Variants in ARHGAP42 observed in about 807,000 individuals in gnomAD.
ARHGAP42 encodes the protein Rho GTPase activating protein 42, also known as rho GTPase-activating protein 42.
Under a neutral mutation model 125.0 loss-of-function variants are expected in ARHGAP42, and 63 were observed. The ratio of observed to expected loss-of-function variants is 0.50; its 90% CI spans 0.41 to 0.62. The LOEUF is 0.62. ARHGAP42 is among the 20% of genes least tolerant of loss of function. ARHGAP42 has a pLI of 0.00. For synonymous variants in ARHGAP42, 339 were observed against 351.0 expected (o/e 0.97, Z 0.38); for missense variants, 766 against 1,024.2 (o/e 0.75, Z 3.44).
At chr11:100,780,319 A>T (rs1300227763) in intron 2 of ARHGAP42, among the ~76,000 whole-genome samples, 1 of 152,204 alleles carries the variant, frequency 6.6e-6, no homozygotes, top group Non-Finnish European at 1.5e-5. Context: ...GTTAGTAAAA[A>T]ATAATCTCAA....
intron 3 of ARHGAP42, among the ~76,000 whole-genome samples, chr11:100,801,400 T>C (rs992253839): frequency 6.6e-6 from 1 of 152,132 alleles, no homozygotes; most frequent in Admixed American, 6.5e-5. Flanking sequence ...GTTGAAACAG[T>C]GAGTAAACAA....
At chr11:100,965,900 TA>T (rs770806607) in intron 17 of ARHGAP42, 124 bp downstream of exon 17, 90 of 832,020 alleles carry the variant, frequency 1.1e-4, no homozygotes, top group Non-Finnish European at 1.6e-4. Context: ...TGAATTTGCT[TA>T]AAAAATAGTA....
At position 100,711,500 on chromosome 11, in the gene ARHGAP42, G is replaced by A. The variant is rs140150068; in HGVS notation, c.154+23668G>A. On this transcript the variant is annotated intron_variant, in intron 1 of 23. Coordinates refer to ENST00000298815, the MANE Select transcript of ARHGAP42 (RefSeq NM_152432.4). ...CTCCCAAGTAGCTGGGACTACAGGT[G>A]CACACTACCATGCCCAGATAATTTT... Among the ~76,000 whole-genome samples the A allele has an allele frequency of 1.1e-4, 16 of 152,216 alleles. No homozygotes were observed. In the East Asian group the frequency reaches 2.9e-3, roughly 28 times the overall value.
chr11:100,809,772 T>C (rs1049137128), intron 3 of ARHGAP42, among the ~76,000 whole-genome samples: 1 of 152,034 alleles, frequency 6.6e-6, no homozygotes, highest in African/African-American at 2.4e-5. Flanking sequence ...CTGAGCAACA[T>C]AGTGAAACCC....
chr11:100,798,462 A>G (rs1249519436), intron 3 of ARHGAP42, among the ~76,000 whole-genome samples: 3 of 152,198 alleles, frequency 2.0e-5, no homozygotes, highest in African/African-American at 7.2e-5. Context: ...AGCCTCCACC[A>G]TCAAAAAGAT....
intron 5 of ARHGAP42, among the ~76,000 whole-genome samples, chr11:100,919,562 A>AT (rs1290504261): frequency 6.6e-6 from 1 of 151,834 alleles, no homozygotes; most frequent in African/African-American, 2.4e-5. Flanking sequence ...GATGTTATGT[A>AT]TTTTTTCTTT....
chr11:100,825,855 G>T (rs111250806), intron 3 of ARHGAP42, among the ~76,000 whole-genome samples: 129 of 152,274 alleles, frequency 8.5e-4, no homozygotes, highest in Non-Finnish European at 1.6e-3. Context: ...GTAGTCTTTT[G>T]TGTTTATTTA....
chr11:100,707,072 A>G (rs1861491226), intron 1 of ARHGAP42, among the ~76,000 whole-genome samples: 1 of 152,216 alleles, frequency 6.6e-6, no homozygotes, highest in African/African-American at 2.4e-5. Context: ...TTAAACATAG[A>G]CCAGTATTTC....
intron 14 of ARHGAP42, 58 bp downstream of exon 14, chr11:100,961,047 T>A (rs891100245): frequency 9.1e-6 from 11 of 1,210,364 alleles, no homozygotes; most frequent in East Asian, 2.6e-5. Context: ...TAATCTAAAG[T>A]ATGGACTTCT....
chr11:100,895,337 G>A (rs1313486437), intron 4 of ARHGAP42, among the ~76,000 whole-genome samples: 1 of 151,982 alleles, frequency 6.6e-6, no homozygotes, highest in East Asian at 1.9e-4. Context: ...TTTTGGACTG[G>A]TAAACCAGTC....
chr11:100,766,169 T>C (rs912902213), intron 1 of ARHGAP42, among the ~76,000 whole-genome samples: 1 of 151,978 alleles, frequency 6.6e-6, no homozygotes, highest in African/African-American at 2.4e-5. Context: ...TGTGAATGCA[T>C]GTGAAGACAC....
At chr11:100,755,008 G>A (rs1862540188) in intron 1 of ARHGAP42, among the ~76,000 whole-genome samples, 1 of 152,204 alleles carries the variant, frequency 6.6e-6, no homozygotes, top group South Asian at 2.1e-4. Context: ...AACTAGCTAA[G>A]TGCCTTTAAA....
At chr11:100,735,799 G>T (rs937353036) in intron 1 of ARHGAP42, among the ~76,000 whole-genome samples, 32 of 151,884 alleles carry the variant, frequency 2.1e-4, no homozygotes, top group African/African-American at 7.2e-4. Context: ...TAGTAGAGAT[G>T]GGATTTCACT....
At chr11:100,785,269 C>T (rs925160444) in intron 2 of ARHGAP42, among the ~76,000 whole-genome samples, 1 of 152,170 alleles carries the variant, frequency 6.6e-6, no homozygotes, top group African/African-American at 2.4e-5. Flanking sequence ...CAGTGCTGAT[C>T]AGAGAGTCTT....
At chr11:100,918,068 T>G (rs529362571) in intron 5 of ARHGAP42, among the ~76,000 whole-genome samples, 1 of 152,306 alleles carries the variant, frequency 6.6e-6, no homozygotes, top group African/African-American at 2.4e-5. Context: ...TAATCTTGAA[T>G]GTTGCTTGTT....
intron 3 of ARHGAP42, among the ~76,000 whole-genome samples, chr11:100,803,704 A>G (rs1863919090): frequency 6.6e-6 from 1 of 152,130 alleles, no homozygotes; most frequent in African/African-American, 2.4e-5. Flanking sequence ...CCCTCCAATC[A>G]TTGTCTGACC....
intron 1 of ARHGAP42, among the ~76,000 whole-genome samples, chr11:100,742,682 G>A (rs949870023): frequency 6.6e-6 from 1 of 151,972 alleles, no homozygotes; most frequent in Non-Finnish European, 1.5e-5. Flanking sequence ...TGTCATATAA[G>A]GTCACATAGT....
At chr11:100,751,689 C>A (rs1385985180) in intron 1 of ARHGAP42, among the ~76,000 whole-genome samples, 1 of 150,878 alleles carries the variant, frequency 6.6e-6, no homozygotes, top group Non-Finnish European at 1.5e-5. Context: ...CACCTCAGCT[C>A]TCCTACCAGG....
At chr11:100,854,043 G>T (rs1865268155) in intron 3 of ARHGAP42, among the ~76,000 whole-genome samples, 1 of 152,004 alleles carries the variant, frequency 6.6e-6, no homozygotes, top group South Asian at 2.1e-4. Flanking sequence ...TTATAAGCAG[G>T]TCATGAGATA....
Sources: allele counts gnomAD v4.1 joint callset (sites outside exome capture counted in the v4.1 genomes callset), GRCh38; gene constraint gnomAD v4.1.1; transcripts MANE v1.5; gene names NCBI Gene and HGNC (gene_info 2026-07-23, HGNC 2026-07-21).